Variants in USP32 observed in about 807,000 individuals in gnomAD.
The protein encoded by USP32 is ubiquitin carboxyl-terminal hydrolase 32.
Under a neutral mutation model 204.8 loss-of-function variants are expected in USP32, and 59 were observed. The ratio of observed to expected loss-of-function variants is 0.29; its 90% CI spans 0.23 to 0.36. The LOEUF is 0.36. Among genes scored for constraint, USP32 ranks in the 10% least tolerant of loss-of-function variants. USP32 has a pLI of 1.00. For missense variants in USP32, 1,160 were observed against 1,946.4 expected (o/e 0.60, Z 7.60); for synonymous variants, 517 against 678.4 (o/e 0.76, Z 3.70).
intron 9 of USP32, among the ~76,000 whole-genome samples, chr17:60,258,637 T>C (rs1446934906): frequency 6.6e-6 from 1 of 152,226 alleles, no homozygotes; most frequent in African/African-American, 2.4e-5. Flanking sequence ...CATTTTCTTT[T>C]CCTTTTTAAA....
chr17:60,317,609 G>A (rs1337132813), intron 2 of USP32, among the ~76,000 whole-genome samples: 1 of 151,968 alleles, frequency 6.6e-6, no homozygotes, highest in Non-Finnish European at 1.5e-5. Flanking sequence ...AATGCCAGGA[G>A]TTTGAGACCA....
chr17:60,215,411 C>A (rs2085076070), intron 16 of USP32, among the ~76,000 whole-genome samples: 1 of 151,668 alleles, frequency 6.6e-6, no homozygotes, highest in Non-Finnish European at 1.5e-5. Flanking sequence ...GCATTGATAT[C>A]TGGCTGCACT....
At chr17:60,417,958 C>CT (rs770082982) in intron 1 of USP32, among the ~76,000 whole-genome samples, 4,211 of 112,722 alleles carry the variant, frequency 0.037, 348 homozygotes, top group African/African-American at 0.11. Flanking sequence ...TCCGGCTAAT[C>CT]TTTTTTTTTT....
At chr17:60,371,868 A>G (rs879889038) in intron 1 of USP32, among the ~76,000 whole-genome samples, 4 of 152,238 alleles carry the variant, frequency 2.6e-5, no homozygotes, top group Non-Finnish European at 5.9e-5. Flanking sequence ...ATAAATACTT[A>G]GAATACTAAG....
intron 1 of USP32, among the ~76,000 whole-genome samples, chr17:60,414,316 T>A (rs2090043122): frequency 6.7e-6 from 1 of 149,632 alleles, no homozygotes; most frequent in Non-Finnish European, 1.5e-5. Context: ...TGAGCTGAGA[T>A]CATGCCACTG....
intron 2 of USP32, among the ~76,000 whole-genome samples, chr17:60,337,835 C>T (rs751058892): frequency 5.9e-5 from 9 of 151,864 alleles, no homozygotes; most frequent in East Asian, 1.9e-4. Flanking sequence ...GAGCCATGAT[C>T]GGGCCACTGC....
At position 60,219,655 on chromosome 17, in the gene USP32, T is replaced by C. The variant is rs200065411; in HGVS notation, c.1867+15A>G. ...CTCGGTAAATGCTGAGGAAACATTC[T>C]CAGGCTCATCATACCCATATTCACC... On this transcript the variant is annotated intron_variant, in intron 16 of 33. Transcript: ENST00000300896. 7.2e-5 allele frequency: 111 copies of C among 1,549,362 alleles called. No individual in the cohort carries two copies. The highest frequency in any genetic ancestry group is 1.2e-4 in the Admixed American group (7 of 57,098).
intron 2 of USP32, among the ~76,000 whole-genome samples, chr17:60,341,355 T>A (rs967673339): frequency 2.8e-4 from 43 of 152,094 alleles, no homozygotes; most frequent in African/African-American, 9.2e-4. Flanking sequence ...GGAGCTCTTG[T>A]AAGGCAGGCC....
Position 60,185,659 on chromosome 17 carries a change from T to C in USP32, c.3643-8A>G. 6.2e-7 allele frequency: 1 copy of C among 1,606,528 alleles called. No homozygotes were observed. The highest frequency in any genetic ancestry group is 8.5e-7 in the Non-Finnish European group (1 of 1,175,562). ...CTCATGCTCATCTACAACCTGCAGGTAGAGGGAACAGGAGGAAAGGGGTGC... is the reference window on the plus strand; with the variant it reads ...CTCATGCTCATCTACAACCTGCAGGCAGAGGGAACAGGAGGAAAGGGGTGC... On this transcript the variant is annotated splice_region_variant and splice_polypyrimidine_tract_variant and intron_variant, in intron 29 of 33. Transcript: ENST00000300896.
chr17:60,414,859 T>C (rs373747605), intron 1 of USP32, among the ~76,000 whole-genome samples: 21 of 151,438 alleles, frequency 1.4e-4, no homozygotes, highest in South Asian at 4.2e-4. Context: ...TTCTTTCTTT[T>C]TTTTTTTTTT....
chr17:60,179,339 C>G lies in USP32; in HGVS notation c.4731G>C (p.Lys1577Asn), dbSNP rs139039180. Residue 1577 changes from lysine to asparagine, a missense_variant, in exon 34 of 34, where the codon AAG (lysine) becomes AAC (asparagine). Transcript: ENST00000300896. ...QGIDYAQFLP[K>N]TDGKKMADTS... ...TGTCTGCCATCTTTTTGCCATCAGT[C>G]TTTGGCAGAAATTGTGCATAGTCTA... 3.5e-5 allele frequency: 57 copies of G among 1,613,750 alleles called. No homozygotes were observed. The African/African-American group carries it at 6.4e-4, about 18-fold the overall frequency.
At position 60,288,545 on chromosome 17, in the gene USP32, T is replaced by C. The variant is rs2087182410; in HGVS notation, c.549A>G (p.Gln183=). ...TACAATGTGTGACTCCAGCCAGAGT[T>C]TGGTAGAAAGTAGGAGTATCACTAT... ...TDDSDTPTFY[Q]TLAGVTHLEE... The change falls in exon 5 of 34, where the codon CAA becomes CAG. Residue 183 remains glutamine, a synonymous_variant. Transcript: ENST00000300896. 6.2e-7 allele frequency: 1 copy of C among 1,604,260 alleles called. No individual in the cohort carries two copies. The highest frequency in any genetic ancestry group is 1.1e-5 in the South Asian group (1 of 89,254).
In USP32 at chr17:60,369,928, C is replaced by T. The variant is rs2089404686; in HGVS notation, c.58+21954G>A. Among the ~76,000 whole-genome samples the T allele has an allele frequency of 2.0e-5, 3 of 152,052 alleles. No homozygotes were observed. The South Asian group carries it at 6.2e-4, about 31-fold the overall frequency. On this transcript the variant is annotated intron_variant, in intron 1 of 33. Transcript: ENST00000300896. ...AATTAAAAAAAAGATTTTGTAGAGA[C>T]AAGGTCTCACTATGTTGCCTAGGCT...
chr17:60,338,167 T>A (rs1403224876), intron 2 of USP32, among the ~76,000 whole-genome samples: 1 of 147,660 alleles, frequency 6.8e-6, no homozygotes, highest in Non-Finnish European at 1.5e-5. Flanking sequence ...CTACAAAAAA[T>A]ACAAAAAATT....
intron 2 of USP32, among the ~76,000 whole-genome samples, chr17:60,336,722 AAAAAAAAAG>A (rs1160353611): frequency 2.0e-5 from 3 of 151,688 alleles, no homozygotes; most frequent in African/African-American, 4.9e-5. Flanking sequence ...TCTCAAAAAA[AAAAAAAAAG>A]AAAAAAAAGA....
chr17:60,269,561 TA>T lies in USP32; in HGVS notation c.704-5del. 1.3e-6 allele frequency: 2 copies of T among 1,596,286 alleles called. No individual in the cohort carries two copies. On this transcript the variant is annotated splice_polypyrimidine_tract_variant and splice_region_variant and intron_variant, in intron 6 of 33. Coordinates refer to ENST00000300896, the MANE Select transcript of USP32 (RefSeq NM_032582.4). ...TCATCAAAAGCATTAAACAAACCTG[TA>T]AAATAGGAAGAGATGCCATAAATCA...
chr17:60,276,966 T>TATAA (rs60544670), intron 5 of USP32, among the ~76,000 whole-genome samples: 1 of 149,884 alleles, frequency 6.7e-6, no homozygotes, highest in Admixed American at 6.6e-5. Context: ...TATATATATA[T>TATAA]AAAATTACCA....
At chr17:60,355,337 T>A (rs144170255) in intron 1 of USP32, among the ~76,000 whole-genome samples, 1 of 152,244 alleles carries the variant, frequency 6.6e-6, no homozygotes, top group Non-Finnish European at 1.5e-5. Flanking sequence ...AAATGTTCTG[T>A]ATCTTGTCAA....
At chr17:60,201,319 T>A (rs1045532785) in intron 26 of USP32, among the ~76,000 whole-genome samples, 16 of 152,174 alleles carry the variant, frequency 1.1e-4, no homozygotes, top group African/African-American at 3.9e-4. Flanking sequence ...GGACATGCAA[T>A]GTTTTCATTT....
Sources: gnomAD v4.1 joint callset for allele counts (sites outside exome capture counted in the v4.1 genomes callset) on GRCh38, gnomAD v4.1.1 for gene constraint, MANE v1.5 for transcripts, NCBI Gene and HGNC (gene_info 2026-07-23, HGNC 2026-07-21) for gene names.